The following CRYBA1 variants were observed in gnomAD, a reference collection of about 807,000 sequenced individuals.
CRYBA1 encodes crystallin beta A1.
In CRYBA1, 25 loss-of-function variants were observed where a neutral mutation model predicts 36.2. The observed-to-expected ratio is 0.69, with a 90% CI of 0.50 to 0.97. The LOEUF is 0.97. CRYBA1 is among the 50% of genes least tolerant of loss of function. The pLI is 0.00. For missense variants in CRYBA1, 224 were observed against 276.3 expected (o/e 0.81, Z 1.34); for synonymous variants, 111 against 90.0 (o/e 1.23, Z -1.32).
chr17:29,252,024 G>A (rs555876335), intron 3 of CRYBA1, 40 bp from the exon 4 acceptor site: 3 of 1,613,890 alleles, frequency 1.9e-6, no homozygotes, highest in African/African-American at 1.3e-5. Flanking sequence ...GGCCATATAG[G>A]CTTTGAACAC....
At chr17:29,250,446 C>T in intron 3 of CRYBA1, 146 bp downstream of exon 3, 1 of 718,008 alleles carries the variant, frequency 1.4e-6, no homozygotes, top group Non-Finnish European at 2.6e-6. Context: ...TCACTACATG[C>T]ATAATTTAGT....
chr17:29,252,305 G>A (rs2068940965), intron 4 of CRYBA1, 100 bp downstream of exon 4: 2 of 1,505,380 alleles, frequency 1.3e-6, no homozygotes, highest in East Asian at 2.3e-5. Flanking sequence ...TATGCTGAAT[G>A]TGGCAGGAAA....
chr17:29,250,418 G>C, intron 3 of CRYBA1, 118 bp downstream of exon 3: 1 of 765,214 alleles, frequency 1.3e-6, no homozygotes, highest in Non-Finnish European at 2.4e-6. Context: ...ATTTCTCGGA[G>C]ACAGGCCTCG....
In CRYBA1 at chr17:29,254,481, T is replaced by TA. The variant is rs2068957654; in HGVS notation, c.*132_*133insA. The TA allele has an allele frequency of 1.0e-5, 10 of 966,146 alleles. No homozygotes were observed. Among genetic ancestry groups the TA allele is most frequent in the Admixed American group, 2.4e-5 (1 of 42,544 alleles). The allele number at this position is 966,146 out of a possible 1,614,324, so 59.8% of individuals were successfully genotyped here. On this transcript the variant is annotated 3_prime_UTR_variant, in exon 6 of 6. Transcript: ENST00000225387. The stretch of plus-strand genomic sequence containing the variant: ...TGCTGAAATCCACAATAAACGTCAT[T>TA]TAAAAAAAAAAAACTTTGTAGACTG...
chr17:29,249,271 C>G, intron 2 of CRYBA1, 65 bp downstream of exon 2: 2 of 1,147,656 alleles, frequency 1.7e-6, no homozygotes, highest in Non-Finnish European at 2.6e-6. Flanking sequence ...AGGCCCCAGG[C>G]CTGTGCTCGT....
rs527468370 is a variant in CRYBA1 at position 29,254,336 on chromosome 17, G to C, written c.635G>C (p.Arg212Pro). The C allele has an allele frequency of 6.2e-7, 1 of 1,614,074 alleles. No individual in the cohort carries two copies. The highest frequency in any genetic ancestry group is 8.5e-7 in the Non-Finnish European group (1 of 1,180,024). ...AQTSQIQSIR[R>P]IQQ Reference sequence around the variant, plus strand: ...ACTTCGCAGATCCAATCGATTCGCCGAATCCAACAGTAGCTGATTAAAAGC... The same window carrying C: ...ACTTCGCAGATCCAATCGATTCGCCCAATCCAACAGTAGCTGATTAAAAGC... The change falls in exon 6 of 6, where the codon CGA becomes CCA. Residue 212 changes from arginine (R) to proline (P), a missense_variant. Coordinates refer to ENST00000225387, the MANE Select transcript of CRYBA1 (RefSeq NM_005208.5).
chr17:29,249,084 C>T, intron 1 of CRYBA1, 58 bp from the exon 2 acceptor site: 2 of 1,115,176 alleles, frequency 1.8e-6, no homozygotes, highest in Non-Finnish European at 2.8e-6. Context: ...TCAAGGCATT[C>T]CCTCACCTCC....
rs1178412176 is a variant in CRYBA1 at position 29,251,912 on chromosome 17, C to T, written c.216-152C>T. ...GCTTAGTATACCTGTCAACTCATTC[C>T]TCAACTCTTGTGACAAATTACTTTG... On this transcript the variant is annotated intron_variant, in intron 3 of 5. Coordinates refer to ENST00000225387, the MANE Select transcript of CRYBA1 (RefSeq NM_005208.5). The T allele has an allele frequency of 1.0e-5, 10 of 980,450 alleles. No individual in the cohort carries two copies. In the Admixed American group the frequency reaches 1.9e-4, roughly 18 times the overall value. The allele number at this position is 980,450 out of a possible 1,614,324, so 60.7% of individuals were successfully genotyped here.
chr17:29,247,463 T>A (rs1475739021), intron 1 of CRYBA1, among the ~76,000 whole-genome samples: 3 of 152,244 alleles, frequency 2.0e-5, no homozygotes, highest in African/African-American at 7.2e-5. Context: ...ATAGTCTGTA[T>A]GTGAAGATTA....
Position 29,249,161 on chromosome 17 carries a change from G to A in CRYBA1, c.51G>A (p.Lys17=). ...TTCCAGAAACCCTTCCAACCACCAA[G>A]ATGGCTCAGACCAACCCTACGCCGG... ...QQELETLPTT[K]MAQTNPTPGS... The change falls in exon 2 of 6, where the codon AAG becomes AAA. Residue 17 remains lysine (K), a synonymous_variant. Transcript: ENST00000225387. 1 of 1,613,392 alleles carries A rather than the reference G, an allele frequency of 6.2e-7. No homozygotes were observed. Among genetic ancestry groups the A allele is most frequent in the Non-Finnish European group, 8.5e-7 (1 of 1,179,368 alleles).
intron 1 of CRYBA1, among the ~76,000 whole-genome samples, chr17:29,248,627 A>G (rs2153009400): frequency 6.6e-6 from 1 of 151,986 alleles, no homozygotes; most frequent in East Asian, 2.0e-4. Flanking sequence ...GGCCTCCCAA[A>G]GTGCTGGGAT....
chr17:29,248,673 C>A (rs987872717), intron 1 of CRYBA1, among the ~76,000 whole-genome samples: 1 of 151,852 alleles, frequency 6.6e-6, no homozygotes, highest in South Asian at 2.1e-4. Context: ...CCTATTATTT[C>A]TGATCCTTAC....
At chr17:29,248,327 G>T (rs2068913910) in intron 1 of CRYBA1, among the ~76,000 whole-genome samples, 1 of 151,530 alleles carries the variant, frequency 6.6e-6, no homozygotes, top group Non-Finnish European at 1.5e-5. Flanking sequence ...CAGGGTCTCA[G>T]TGCTTTACCT....
At chr17:29,250,387 A>ATCCT in intron 3 of CRYBA1, 87 bp downstream of exon 3, 3 of 817,564 alleles carry the variant, frequency 3.7e-6, no homozygotes, top group Non-Finnish European at 4.4e-6. Flanking sequence ...GGGAAGAAGG[A>ATCCT]TGTTCCCCTA....
Position 29,253,697 on chromosome 17 carries a change from T to C in CRYBA1, c.415T>C (p.Trp139Arg), listed in dbSNP as rs769294690. ...GAAGGAAAACTTTATTGGACGCCAG[T>C]GGGAGATCTCTGACGACTACCCCTC... ...FEKENFIGRQ[W>R]EISDDYPSLQ... Residue 139 changes from tryptophan to arginine, a missense_variant, in exon 5 of 6, where the codon TGG (tryptophan) becomes CGG (arginine). Coordinates refer to ENST00000225387, the MANE Select transcript of CRYBA1 (RefSeq NM_005208.5). 4.3e-6 allele frequency: 7 copies of C among 1,613,838 alleles called. No homozygotes were observed. The South Asian group carries it at 4.4e-5, about 10-fold the overall frequency.
rs898681033 is a variant in CRYBA1, at chr17:29,252,861, T to C, written c.357+656T>C. 5.3e-5 allele frequency among the ~76,000 whole-genome samples: 8 copies of C among 152,238 alleles called. 1 individual carries two copies. In the South Asian group the frequency reaches 1.2e-3, roughly 24 times the overall value. ...GTGATTTTGGTTAATAATCTCATCT[T>C]GGTTCAAAGTCTTGCCAAAATTCAA... is the stretch of plus-strand genomic sequence containing the variant. On this transcript the variant is annotated intron_variant, in intron 4 of 5. Transcript: ENST00000225387.
chr17:29,254,047 T>C (rs988023369), intron 5 of CRYBA1, among the ~76,000 whole-genome samples, 155 bp from the exon 6 acceptor site: 2 of 152,228 alleles, frequency 1.3e-5, no homozygotes, highest in Admixed American at 6.5e-5. Context: ...AGCCATATTA[T>C]GCTTACAAAT....
Position 29,252,226 on chromosome 17 carries a change from C to T in CRYBA1, c.357+21C>T, listed in dbSNP as rs774721058. 9 of 1,613,916 alleles carry T rather than the reference C, an allele frequency of 5.6e-6. No individual in the cohort carries two copies. The Admixed American group carries it at 1.5e-4, about 27-fold the overall frequency. ...CAGCTGTGAGTCTCTGAAATTTCCACTTCCGTGCATATGAGGGATGGGACA... is the reference window on the plus strand; with the variant it reads ...CAGCTGTGAGTCTCTGAAATTTCCATTTCCGTGCATATGAGGGATGGGACA... On this transcript the variant is annotated intron_variant, in intron 4 of 5. Transcript: ENST00000225387.
At chr17:29,249,609 G>T (rs2068922988) in intron 2 of CRYBA1, among the ~76,000 whole-genome samples, 1 of 152,112 alleles carries the variant, frequency 6.6e-6, no homozygotes, top group African/African-American at 2.4e-5. Context: ...GGCCGAAGTG[G>T]CTGATCCTCA....
Sources: gnomAD v4.1 joint callset for allele counts (sites outside exome capture counted in the v4.1 genomes callset) on GRCh38, gnomAD v4.1.1 for gene constraint, MANE v1.5 for transcripts, NCBI Gene and HGNC (gene_info 2026-07-23, HGNC 2026-07-21) for gene names.